Variants in AGAP1 observed in about 807,000 individuals in gnomAD.
AGAP1 encodes the protein ArfGAP with GTPase domain, ankyrin repeat and PH domain 1.
Under a neutral mutation model 105.3 loss-of-function variants are expected in AGAP1, and 29 were observed. The observed-to-expected ratio is 0.28, with a 90% CI of 0.21 to 0.38. The LOEUF is 0.38. AGAP1 is among the 10% of genes least tolerant of loss of function. AGAP1 has a pLI of 1.00. For synonymous variants in AGAP1, 509 were observed against 485.9 expected, an observed-to-expected ratio of 1.05 and a Z score of -0.63; for missense variants, 998 against 1,165.1, an observed-to-expected ratio of 0.86 and a Z score of 2.09.
chr2:235,611,859 C>T lies in AGAP1; in HGVS notation c.164-97320C>T, dbSNP rs1359304753. 1.3e-5 allele frequency among the ~76,000 whole-genome samples: 2 copies of T among 152,178 alleles called. No homozygotes were observed. Among genetic ancestry groups the T allele is most frequent in the East Asian group, 3.8e-4 (2 of 5,196 alleles). On this transcript the variant is annotated intron_variant, in intron 1 of 17. Coordinates refer to ENST00000304032, the MANE Select transcript of AGAP1 (RefSeq NM_001037131.3). The surrounding 1 kb of genome is among the most constrained non-coding windows in gnomAD (Gnocchi z 5.0). ...ACAAAGAAATCCTTCCCTCCCTGTT[C>T]CAGTTGTGGAACATATGGTCACCGT...
In AGAP1 at chr2:236,012,617, G is replaced by A. The variant is rs974449141; in HGVS notation, c.1646-23944G>A. Among the ~76,000 whole-genome samples, 2 of 152,150 alleles carry A rather than the reference G, an allele frequency of 1.3e-5. No individual in the cohort carries two copies. Among genetic ancestry groups the A allele is most frequent in the East Asian group, 1.9e-4 (1 of 5,190 alleles). On this transcript the variant is annotated intron_variant, in intron 13 of 17. Coordinates refer to ENST00000304032, the MANE Select transcript of AGAP1 (RefSeq NM_001037131.3). This position sits in a 1 kb window ranked among gnomAD's most constrained non-coding sequence, Gnocchi z 4.9. ...CCTTTTCCCAGGTTTGGAGTTACCT[G>A]AGACAGATACTTAGGTAGGACCTTA...
intron 11 of AGAP1, 130 bp downstream of exon 11, chr2:235,909,036 C>A (rs1420618177): frequency 6.7e-6 from 6 of 894,452 alleles, no homozygotes; most frequent in Non-Finnish European, 1.0e-5. Flanking sequence ...GGTTTAGAAA[C>A]CTGATCACTT....
intron 9 of AGAP1, among the ~76,000 whole-genome samples, chr2:235,871,229 T>C (rs1306495026): frequency 6.6e-6 from 1 of 152,218 alleles, no homozygotes; most frequent in East Asian, 1.9e-4. Flanking sequence ...GAAACTGTTT[T>C]GTGATCAGTC....
In AGAP1 at chr2:236,114,557, C is replaced by T. The variant is rs2059724220; in HGVS notation, c.2115-5635C>T. The stretch of plus-strand genomic sequence containing the variant: ...GGCTGGAAGTCTGGAGTCAGGGTGC[C>T]CGCAGGGTTGGTTCTGGTGAGACCT... On this transcript the variant is annotated intron_variant, in intron 16 of 17. Transcript: ENST00000304032. This position sits in a 1 kb window ranked among gnomAD's most constrained non-coding sequence, Gnocchi z 5.0. 6.6e-6 allele frequency among the ~76,000 whole-genome samples: 1 copy of T among 152,148 alleles called. No homozygotes were observed. The highest frequency in any genetic ancestry group is 2.4e-5 in the African/African-American group (1 of 41,438).
rs144537116 is a variant in AGAP1, at chr2:235,967,652, G to T, written c.1484-810G>T. On this transcript the variant is annotated intron_variant, in intron 12 of 17. Transcript: ENST00000304032. This position sits in a 1 kb window ranked among gnomAD's most constrained non-coding sequence, Gnocchi z 4.7. Reference sequence around the variant, plus strand: ...TCGTGAAATAAAAACTTTTCAAGACGCCGTAGGCATGCACCACCTGTTTTT... The same window carrying T: ...TCGTGAAATAAAAACTTTTCAAGACTCCGTAGGCATGCACCACCTGTTTTT... 1.8e-4 allele frequency among the ~76,000 whole-genome samples: 27 copies of T among 152,318 alleles called. No homozygotes were observed. Among genetic ancestry groups the T allele is most frequent in the African/African-American group, 6.5e-4 (27 of 41,568 alleles).
chr2:235,743,251 CA>C (rs1952694749), intron 4 of AGAP1, among the ~76,000 whole-genome samples: 2 of 152,246 alleles, frequency 1.3e-5, no homozygotes, highest in East Asian at 3.8e-4. Context: ...GCCCCCCACA[CA>C]AGTTGCTGGG....
At position 236,053,238 on chromosome 2, in the gene AGAP1, C is replaced by T. The variant is rs1259756996; in HGVS notation, c.2114+3957C>T. Among the ~76,000 whole-genome samples, 1 of 152,188 alleles carries T rather than the reference C, an allele frequency of 6.6e-6. No individual in the cohort carries two copies. Among genetic ancestry groups the T allele is most frequent in the Non-Finnish European group, 1.5e-5 (1 of 68,044 alleles). Reference sequence around the variant, plus strand: ...TCAGAGGTGAAGATGTTAAAACAGTCGTGCGAACGTCTCCTGCATGAATGA... The same window carrying T: ...TCAGAGGTGAAGATGTTAAAACAGTTGTGCGAACGTCTCCTGCATGAATGA... On this transcript the variant is annotated intron_variant, in intron 16 of 17. Transcript: ENST00000304032. The surrounding 1 kb of genome is among the most constrained non-coding windows in gnomAD (Gnocchi z 4.6).
intron 1 of AGAP1, among the ~76,000 whole-genome samples, chr2:235,506,518 C>CAA (rs894231515): frequency 1.5e-5 from 2 of 130,454 alleles, no homozygotes; most frequent in Non-Finnish European, 3.3e-5. Context: ...GATCTTGTCT[C>CAA]AAAAAAAAAA....
At chr2:235,918,744 G>A (rs2052024654) in intron 11 of AGAP1, among the ~76,000 whole-genome samples, 1 of 151,764 alleles carries the variant, frequency 6.6e-6, no homozygotes, top group Non-Finnish European at 1.5e-5. Context: ...GGATGTTGAG[G>A]AGATTAGTTG....
rs1251070701 is a variant in AGAP1, at chr2:235,752,074, C to A, written c.673+1586C>A. Among the ~76,000 whole-genome samples the A allele has an allele frequency of 6.6e-6, 1 of 152,198 alleles. No homozygotes were observed. The highest frequency in any genetic ancestry group is 1.5e-5 in the Non-Finnish European group (1 of 68,028). On this transcript the variant is annotated intron_variant, in intron 6 of 17. Transcript: ENST00000304032. This position sits in a 1 kb window ranked among gnomAD's most constrained non-coding sequence, Gnocchi z 4.3. Reference sequence around the variant, plus strand: ...CACCCTAATGGAGCAAGGTCACTGTCGGCCGCTGCGCTGCCGAGGCCCCTG... The same window carrying A: ...CACCCTAATGGAGCAAGGTCACTGTAGGCCGCTGCGCTGCCGAGGCCCCTG...
intron 1 of AGAP1, among the ~76,000 whole-genome samples, chr2:235,592,619 G>A (rs963286077): frequency 5.3e-5 from 8 of 152,180 alleles, no homozygotes; most frequent in African/African-American, 1.9e-4. Context: ...GGCTTCACGG[G>A]AGGGGTGTTG....
intron 1 of AGAP1, among the ~76,000 whole-genome samples, chr2:235,501,741 A>C (rs1941570499): frequency 6.6e-6 from 1 of 151,908 alleles, no homozygotes; most frequent in African/African-American, 2.4e-5. Context: ...GTTTCGTCTT[A>C]TGTTTCTCTA....
rs1951616578 is a variant in AGAP1 at position 235,725,837 on chromosome 2, A to G, written c.310+8193A>G. Among the ~76,000 whole-genome samples the G allele has an allele frequency of 6.6e-6, 1 of 152,222 alleles. No homozygotes were observed. The highest frequency in any genetic ancestry group is 2.1e-4 in the South Asian group (1 of 4,830). On this transcript the variant is annotated intron_variant, in intron 3 of 17. Transcript: ENST00000304032. This position sits in a 1 kb window ranked among gnomAD's most constrained non-coding sequence, Gnocchi z 5.7. ...TAACTTGACCCCTGGCATGGAAGCCATCAGTGAGGATCAGGTGATATTGTC... is the reference window on the plus strand; with the variant it reads ...TAACTTGACCCCTGGCATGGAAGCCGTCAGTGAGGATCAGGTGATATTGTC...
intron 9 of AGAP1, among the ~76,000 whole-genome samples, chr2:235,821,335 G>A (rs560353952): frequency 6.6e-6 from 1 of 151,926 alleles, no homozygotes; most frequent in African/African-American, 2.4e-5. Context: ...TGGATGAATA[G>A]GAACGCAGTA....
In AGAP1 at chr2:236,002,562, G is replaced by A. The variant is rs537319161; in HGVS notation, c.1645+33939G>A. Reference sequence around the variant, plus strand: ...GGGTCACTGGCTGCCCTTATAGAAGGCCTTGGAAAGAATTACTTCATGCAT... The same window carrying A: ...GGGTCACTGGCTGCCCTTATAGAAGACCTTGGAAAGAATTACTTCATGCAT... On this transcript the variant is annotated intron_variant, in intron 13 of 17. Transcript: ENST00000304032. This position sits in a 1 kb window ranked among gnomAD's most constrained non-coding sequence, Gnocchi z 4.3. Among the ~76,000 whole-genome samples the A allele has an allele frequency of 1.3e-5, 2 of 152,200 alleles. No individual in the cohort carries two copies. The highest frequency in any genetic ancestry group is 1.9e-4 in the East Asian group (1 of 5,154).
Position 235,777,035 on chromosome 2 carries a change from C to G in AGAP1, c.674-20724C>G, listed in dbSNP as rs1559473698. On this transcript the variant is annotated intron_variant, in intron 6 of 17. Transcript: ENST00000304032. This position sits in a 1 kb window ranked among gnomAD's most constrained non-coding sequence, Gnocchi z 5.1. ...GAGCGTCTGCTCTTGAGAGGCCAGG[C>G]TGGATCCTGCAGAGAAACGAGGAAG... The G allele has an allele frequency of 2.1e-6, 1 of 471,174 alleles. No homozygotes were observed. The highest frequency in any genetic ancestry group is 4.4e-6 in the Non-Finnish European group (1 of 227,056). The allele number at this position is 471,174 out of a possible 1,614,324, so 29.2% of individuals were successfully genotyped here. A position where few individuals can be genotyped will look rare whatever the true frequency, so the allele number is the denominator to read the frequency against.
chr2:235,652,735 C>T (rs1019534020), intron 1 of AGAP1, among the ~76,000 whole-genome samples: 3 of 150,946 alleles, frequency 2.0e-5, no homozygotes, highest in African/African-American at 7.4e-5. Context: ...CCCTTAAAAA[C>T]ACAAAAATTA....
In AGAP1 at chr2:235,716,051, G is replaced by C. The variant is rs894709774; in HGVS notation, c.223-1506G>C. Among the ~76,000 whole-genome samples, 11 of 152,116 alleles carry C rather than the reference G, an allele frequency of 7.2e-5. No homozygotes were observed. The highest frequency in any genetic ancestry group is 2.7e-4 in the African/African-American group (11 of 41,376). The stretch of plus-strand genomic sequence containing the variant: ...GGACGGCGGCCAGGGGATGCGATTT[G>C]GGAATAGGCAGCTTTTTTTTCCCCC... On this transcript the variant is annotated intron_variant, in intron 2 of 17. Transcript: ENST00000304032. This position sits in a 1 kb window ranked among gnomAD's most constrained non-coding sequence, Gnocchi z 4.0.
chr2:235,809,613 G>C (rs115981094), intron 9 of AGAP1, among the ~76,000 whole-genome samples: 2,814 of 152,240 alleles, frequency 0.018, 33 homozygotes, highest in Non-Finnish European at 0.03. Flanking sequence ...TTAAATCGGG[G>C]CACCCTTGTC....
Sources: allele counts gnomAD v4.1 joint callset (sites outside exome capture counted in the v4.1 genomes callset), GRCh38; gene constraint gnomAD v4.1.1; non-coding constraint Gnocchi (gnomAD v3.1); transcripts MANE v1.5; gene names NCBI Gene and HGNC (gene_info 2026-07-23, HGNC 2026-07-21).